The following NGF variants were observed in gnomAD, a reference collection of about 807,000 sequenced individuals.
NGF encodes nerve growth factor.
In NGF, 4 loss-of-function variants were observed where a neutral mutation model predicts 12.8. The observed-to-expected ratio is 0.31, with a 90% CI of 0.15 to 0.72. The LOEUF (loss-of-function observed/expected upper bound fraction) is 0.72, where lower values mean the gene tolerates loss of function less well. Ranked by LOEUF, NGF falls within the 30% of genes least tolerant of loss-of-function variation. The probability of loss-of-function intolerance (pLI) is 0.69; values close to 1 mark genes in which losing one functional copy is unlikely to be tolerated. For missense variants in NGF, 283 were observed against 330.8 expected (o/e 0.86, Z 1.12); for synonymous variants, 140 against 130.0 (o/e 1.08, Z -0.52).
chr1:115,297,139 A>C (rs1653897899), intron 1 of NGF, among the ~76,000 whole-genome samples: 1 of 152,212 alleles, frequency 6.6e-6, no homozygotes, highest in Non-Finnish European at 1.5e-5. Context: ...CATGTTAGAA[A>C]TGCAAATTCT....
intron 1 of NGF, among the ~76,000 whole-genome samples, chr1:115,310,035 G>A (rs1429550247): frequency 1.3e-5 from 2 of 152,150 alleles, no homozygotes; most frequent in Admixed American, 6.5e-5. Context: ...TAATTAATTA[G>A]TTGCTTTGTG....
At chr1:115,307,544 A>G (rs142533210) in intron 1 of NGF, among the ~76,000 whole-genome samples, 2 of 152,332 alleles carry the variant, frequency 1.3e-5, no homozygotes, top group African/African-American at 4.8e-5. Context: ...TGCTGGTGAG[A>G]TGTGATTCCT....
chr1:115,314,428 A>C (rs1415080651), intron 1 of NGF, among the ~76,000 whole-genome samples: 1 of 152,218 alleles, frequency 6.6e-6, no homozygotes, highest in African/African-American at 2.4e-5. Context: ...AAACATTGGG[A>C]CTATCTCTCA....
chr1:115,333,092 C>T (rs2101057028), intron 1 of NGF, among the ~76,000 whole-genome samples: 1 of 152,260 alleles, frequency 6.6e-6, no homozygotes, highest in East Asian at 1.9e-4. Flanking sequence ...CTCCCCCACC[C>T]CCTAACCTGG....
intron 1 of NGF, among the ~76,000 whole-genome samples, chr1:115,316,895 G>A (rs1654487988): frequency 6.6e-6 from 1 of 152,168 alleles, no homozygotes; most frequent in Non-Finnish European, 1.5e-5. Flanking sequence ...AAAGAAGTGT[G>A]TACAAGTCCA....
At position 115,337,267 on chromosome 1, in the gene NGF, G is replaced by GTTTGTTTTTT; in HGVS notation, c.-137+936_-137+937insAAAAAACAAA. 2.7e-3 allele frequency among the ~76,000 whole-genome samples: 215 copies of GTTTGTTTTTT among 81,020 alleles called. 8 individuals carry two copies. Among genetic ancestry groups the GTTTGTTTTTT allele is most frequent in the Non-Finnish European group, 3.2e-3 (137 of 42,670 alleles). 53.2% of individuals were successfully genotyped at this position (81,020 alleles called of 152,430 possible). A position where few individuals can be genotyped will look rare whatever the true frequency, so the allele number is the denominator to read the frequency against. Reference sequence around the variant, plus strand: ...TCGAAATTTTTTTTGTTTTGTTTTTGTTTTTTTTTTTTTTTTTTTTTTTTT... The same window carrying GTTTGTTTTTT: ...TCGAAATTTTTTTTGTTTTGTTTTTGTTTGTTTTTTTTTTTTTTTTTTTTTTTTTTTTTTT... On this transcript the variant is annotated intron_variant, in intron 1 of 2. Coordinates refer to ENST00000369512, the MANE Select transcript of NGF (RefSeq NM_002506.3).
In NGF at chr1:115,293,729, T is replaced by C. The variant is rs1201025821; in HGVS notation, c.-115A>G. 2 of 152,886 alleles carry C rather than the reference T, an allele frequency of 1.3e-5. No individual in the cohort carries two copies. The highest frequency in any genetic ancestry group is 2.9e-5 in the Non-Finnish European group (2 of 68,240). The allele number at this position is 152,886 out of a possible 1,614,324, so 9.5% of individuals were successfully genotyped here. On this transcript the variant is annotated 5_prime_UTR_variant, in exon 2 of 3. Coordinates refer to ENST00000369512, the MANE Select transcript of NGF (RefSeq NM_002506.3). ...CAGCATGCCATCCAGCCCCTTGGAC[T>C]GCACGACCACTGGCCAAAACTCTGT... is the stretch of plus-strand genomic sequence containing the variant.
At chr1:115,310,011 C>A (rs892954498) in intron 1 of NGF, among the ~76,000 whole-genome samples, 3 of 152,156 alleles carry the variant, frequency 2.0e-5, no homozygotes, top group African/African-American at 7.2e-5. Flanking sequence ...ACCAAGTGTT[C>A]CTCAATAAAG....
intron 1 of NGF, among the ~76,000 whole-genome samples, chr1:115,303,395 C>T (rs1246797490): frequency 6.6e-6 from 1 of 152,100 alleles, no homozygotes; most frequent in Non-Finnish European, 1.5e-5. Context: ...CCTACCGCCA[C>T]CACTGCCTCC....
chr1:115,324,316 G>C (rs543345348), intron 1 of NGF, among the ~76,000 whole-genome samples: 97 of 152,218 alleles, frequency 6.4e-4, no homozygotes, highest in African/African-American at 2.2e-3. Flanking sequence ...GTCTAAACAG[G>C]ACTCAGTCTC....
rs1430790840 is a variant in NGF at position 115,286,035 on chromosome 1, G to A, written c.*35C>T. 1 of 1,610,882 alleles carries A rather than the reference G, an allele frequency of 6.2e-7. No individual in the cohort carries two copies. On this transcript the variant is annotated 3_prime_UTR_variant, in exon 3 of 3. Coordinates refer to ENST00000369512, the MANE Select transcript of NGF (RefSeq NM_002506.3). ...GAGGTAGGGAGGGGCCCAGGAGAGT[G>A]TAGAAGGGGCAGGGGGAGGGAGCGT...
At chr1:115,289,373 G>A (rs920854698) in intron 2 of NGF, among the ~76,000 whole-genome samples, 5 of 152,094 alleles carry the variant, frequency 3.3e-5, no homozygotes, top group African/African-American at 7.2e-5. Context: ...AAAGGGTTTC[G>A]ATGGACATAA....
intron 1 of NGF, among the ~76,000 whole-genome samples, chr1:115,333,863 T>A (rs1045699579): frequency 6.6e-6 from 1 of 151,728 alleles, no homozygotes; most frequent in East Asian, 1.9e-4. Flanking sequence ...TTCTTTTTTT[T>A]CCCTCATTTG....
Position 115,337,260 on chromosome 1 carries a change from TG to T in NGF, c.-137+943del, listed in dbSNP as rs1278966801. On this transcript the variant is annotated intron_variant, in intron 1 of 2. Coordinates refer to ENST00000369512, the MANE Select transcript of NGF (RefSeq NM_002506.3). ...AAGAATCTCGAAATTTTTTTTGTTT[TG>T]TTTTTGTTTTTTTTTTTTTTTTTTT... Among the ~76,000 whole-genome samples the T allele has an allele frequency of 1.9e-3, 162 of 87,138 alleles. 1 individual carries two copies. The highest frequency in any genetic ancestry group is 7.7e-3 in the African/African-American group (147 of 19,170). 57.2% of individuals were successfully genotyped at this position (87,138 alleles called of 152,430 possible).
intron 1 of NGF, among the ~76,000 whole-genome samples, chr1:115,317,779 G>A (rs1345395143): frequency 1.3e-5 from 2 of 152,236 alleles, no homozygotes; most frequent in African/African-American, 4.8e-5. Context: ...CCTGCCGCTG[G>A]CAGGAGTCCC....
At chr1:115,296,196 T>C (rs1356029287) in intron 1 of NGF, among the ~76,000 whole-genome samples, 1 of 152,110 alleles carries the variant, frequency 6.6e-6, no homozygotes, top group Non-Finnish European at 1.5e-5. Flanking sequence ...AGGTCCACCA[T>C]GCATTGCAAG....
At chr1:115,304,732 G>A (rs1387652538) in intron 1 of NGF, among the ~76,000 whole-genome samples, 1 of 152,106 alleles carries the variant, frequency 6.6e-6, no homozygotes, top group Non-Finnish European at 1.5e-5. Flanking sequence ...TGGCAGCAAC[G>A]ACTCCCACTT....
chr1:115,313,468 G>C (rs1654389542), intron 1 of NGF, among the ~76,000 whole-genome samples: 1 of 152,336 alleles, frequency 6.6e-6, no homozygotes, highest in Admixed American at 6.5e-5. Context: ...TTTAATTTTG[G>C]AGGGTTTCCT....
chr1:115,331,913 C>CATAGATTT (rs1275780536), intron 1 of NGF, among the ~76,000 whole-genome samples: 4 of 152,210 alleles, frequency 2.6e-5, no homozygotes, highest in Non-Finnish European at 4.4e-5. Flanking sequence ...ATCCAGTAGC[C>CATAGATTT]TCATACATGG....
Sources: allele counts gnomAD v4.1 joint callset (sites outside exome capture counted in the v4.1 genomes callset), GRCh38; gene constraint gnomAD v4.1.1; transcripts MANE v1.5; gene names NCBI Gene and HGNC (gene_info 2026-07-23, HGNC 2026-07-21).